FHIT: variants seen among roughly 807,000 people sequenced by gnomAD.
FHIT encodes fragile histidine triad diadenosine triphosphatase.
Under a neutral mutation model 17.9 loss-of-function variants are expected in FHIT, and 19 were observed. The ratio of observed to expected loss-of-function variants is 1.06; its 90% CI spans 0.74 to 1.56. FHIT has a LOEUF of 1.56. Among genes scored for constraint, FHIT ranks in the 40% most tolerant of loss-of-function variants. The pLI is 0.00. For synonymous variants in FHIT, 81 were observed against 69.7 expected (o/e 1.16, Z -0.81); for missense variants, 248 against 189.2 (o/e 1.31, Z -1.82).
chr3:59,750,699 G>GTT, intron 9 of FHIT: 2 of 217,046 alleles, frequency 9.2e-6, no homozygotes, highest in Non-Finnish European at 1.9e-5. Flanking sequence ...AACAATAGGG[G>GTT]GCAAGGTAGT....
intron 7 of FHIT, among the ~76,000 whole-genome samples, chr3:59,975,955 T>C (rs138043784): frequency 9.9e-5 from 15 of 152,102 alleles, no homozygotes; most frequent in Admixed American, 2.0e-4. Flanking sequence ...TGTACTAGAA[T>C]GCTCCCAGAC....
At chr3:59,950,339 C>T (rs1475419204) in intron 7 of FHIT, among the ~76,000 whole-genome samples, 1 of 152,182 alleles carries the variant, frequency 6.6e-6, no homozygotes, top group Non-Finnish European at 1.5e-5. Flanking sequence ...GCCCTCATCA[C>T]CTGTCCTTCC....
At chr3:59,934,432 G>C (rs906692260) in intron 7 of FHIT, among the ~76,000 whole-genome samples, 8 of 152,098 alleles carry the variant, frequency 5.3e-5, no homozygotes, top group African/African-American at 1.7e-4. Context: ...GGGCCCATTA[G>C]AGAGAATGGA....
chr3:60,977,672 G>A (rs1710322057), intron 3 of FHIT, among the ~76,000 whole-genome samples: 1 of 152,090 alleles, frequency 6.6e-6, no homozygotes, highest in Non-Finnish European at 1.5e-5. Context: ...GGGAGTTCGA[G>A]ACCAGGCTGA....
At chr3:60,275,855 G>A (rs929139915) in intron 5 of FHIT, among the ~76,000 whole-genome samples, 1 of 152,112 alleles carries the variant, frequency 6.6e-6, no homozygotes, top group African/African-American at 2.4e-5. Context: ...CTGTAGTTGT[G>A]AAATTAGACT....
chr3:60,073,983 A>T (rs558151090), intron 5 of FHIT, among the ~76,000 whole-genome samples: 3 of 152,164 alleles, frequency 2.0e-5, no homozygotes, highest in Non-Finnish European at 4.4e-5. Flanking sequence ...ATACTGTCAC[A>T]TTCCTTTGAT....
chr3:60,921,846 A>G (rs1707303944), intron 3 of FHIT, among the ~76,000 whole-genome samples: 2 of 152,246 alleles, frequency 1.3e-5, no homozygotes, highest in African/African-American at 4.8e-5. Flanking sequence ...TTCCCTGCCC[A>G]ACACTATCTT....
intron 5 of FHIT, among the ~76,000 whole-genome samples, chr3:60,328,759 T>C (rs1333170914): frequency 6.6e-6 from 1 of 152,192 alleles, no homozygotes; most frequent in East Asian, 1.9e-4. Context: ...CAATGAGCTG[T>C]TCCAAGCCAA....
At position 60,276,033 on chromosome 3, in the gene FHIT, G is replaced by A. The variant is rs181736074; in HGVS notation, c.103+260827C>T. On this transcript the variant is annotated intron_variant, in intron 5 of 9. Coordinates refer to ENST00000492590, the MANE Select transcript of FHIT (RefSeq NM_002012.4). ...GATGGAGTCTCGCTCAGTCGCCCAG[G>A]CTGGAGTGCAGTGGCATGATCTCGG... Among the ~76,000 whole-genome samples the A allele has an allele frequency of 2.8e-3, 416 of 150,638 alleles. 6 individuals are homozygous for A. The highest frequency in any genetic ancestry group is 4.6e-3 in the Non-Finnish European group (311 of 67,888).
chr3:60,780,763 G>A lies in FHIT; in HGVS notation c.-18+41156C>T, dbSNP rs72884537. Reference sequence around the variant, plus strand: ...TTTAGAGGGAGGAATGAGACAGCTAGGTGGGAGGGGGTCCCCGAAAAACCT... The same window carrying A: ...TTTAGAGGGAGGAATGAGACAGCTAAGTGGGAGGGGGTCCCCGAAAAACCT... On this transcript the variant is annotated intron_variant, in intron 4 of 9. Transcript: ENST00000492590. 7.2e-3 allele frequency among the ~76,000 whole-genome samples: 1,094 copies of A among 152,288 alleles called. 16 individuals are homozygous for A. Among genetic ancestry groups the A allele is most frequent in the African/African-American group, 0.025 (1,043 of 41,560 alleles).
At chr3:60,957,660 A>G (rs1003186861) in intron 3 of FHIT, among the ~76,000 whole-genome samples, 25 of 152,210 alleles carry the variant, frequency 1.6e-4, no homozygotes, top group Admixed American at 1.3e-4. Flanking sequence ...CAATTTCTTC[A>G]CCATACAAAA....
At chr3:60,407,315 G>T (rs1377110826) in intron 5 of FHIT, among the ~76,000 whole-genome samples, 1 of 151,896 alleles carries the variant, frequency 6.6e-6, no homozygotes, top group African/African-American at 2.4e-5. Flanking sequence ...AATTACAGAT[G>T]CCTAGTAGGT....
At chr3:60,438,854 A>G (rs966555387) in intron 5 of FHIT, among the ~76,000 whole-genome samples, 7 of 152,112 alleles carry the variant, frequency 4.6e-5, no homozygotes, top group African/African-American at 1.4e-4. Flanking sequence ...TACCTTCTAG[A>G]ACACTGTACA....
chr3:60,382,525 C>T (rs914645241), intron 5 of FHIT, among the ~76,000 whole-genome samples: 2 of 152,164 alleles, frequency 1.3e-5, no homozygotes, highest in Non-Finnish European at 2.9e-5. Flanking sequence ...ATTGGTAATA[C>T]AAGTAACACC....
intron 5 of FHIT, among the ~76,000 whole-genome samples, chr3:60,518,150 T>C (rs2035228787): frequency 6.6e-6 from 1 of 152,114 alleles, no homozygotes; most frequent in African/African-American, 2.4e-5. Flanking sequence ...AATGACCAAG[T>C]TGACAAAACT....
intron 3 of FHIT, among the ~76,000 whole-genome samples, chr3:61,027,000 A>C (rs2032766728): frequency 6.6e-6 from 1 of 152,120 alleles, no homozygotes; most frequent in Non-Finnish European, 1.5e-5. Flanking sequence ...TTAAATTATT[A>C]TAGAATTATA....
intron 3 of FHIT, among the ~76,000 whole-genome samples, chr3:60,859,765 C>T (rs572578775): frequency 3.1e-5 from 2 of 64,832 alleles, no homozygotes; most frequent in South Asian, 4.4e-4. Context: ...TTTTTTTTGC[C>T]GAGCACGGTG....
At chr3:60,004,936 C>G (rs13061337) in intron 7 of FHIT, among the ~76,000 whole-genome samples, 52,099 of 152,006 alleles carry the variant, frequency 0.34, 10,864 homozygotes, top group East Asian at 0.5. Flanking sequence ...CCTCACAACA[C>G]TCCCAAGAGA....
intron 8 of FHIT, among the ~76,000 whole-genome samples, chr3:59,763,069 GTTTAAGCAAGACTGTTCTCC>G (rs1701608802): frequency 6.6e-6 from 1 of 152,182 alleles, no homozygotes; most frequent in African/African-American, 2.4e-5. Context: ...AGATATTGGT[GTTTAAGCAAGACTGTTCTCC>G]TTTAATCCTA....
Sources: gnomAD v4.1 joint callset for allele counts (sites outside exome capture counted in the v4.1 genomes callset) on GRCh38, gnomAD v4.1.1 for gene constraint, MANE v1.5 for transcripts, NCBI Gene and HGNC (gene_info 2026-07-23, HGNC 2026-07-21) for gene names.